Variants in FOXP1 observed in about 807,000 individuals in gnomAD.
The protein encoded by FOXP1 is forkhead box protein P1.
Under a neutral mutation model 98.2 loss-of-function variants are expected in FOXP1, and 15 were observed. That is an observed-to-expected ratio of 0.15 (90% confidence interval 0.10 to 0.24). The LOEUF (loss-of-function observed/expected upper bound fraction) is 0.24, where lower values mean the gene tolerates loss of function less well. FOXP1 is among the 10% of genes least tolerant of loss of function. The pLI is 1.00. For synonymous variants in FOXP1, 371 were observed against 314.5 expected, an observed-to-expected ratio of 1.18 and a Z score of -1.90; for missense variants, 633 against 848.5, an observed-to-expected ratio of 0.75 and a Z score of 3.15.
chr3:71,112,197 T>C (rs1275447413), intron 7 of FOXP1, among the ~76,000 whole-genome samples: 3 of 152,184 alleles, frequency 2.0e-5, no homozygotes, highest in African/African-American at 4.8e-5. Flanking sequence ...TGTGTGTTTA[T>C]GCCATTTCTA....
intron 11 of FOXP1, among the ~76,000 whole-genome samples, chr3:71,033,128 T>C (rs973404481): frequency 2.0e-5 from 3 of 152,034 alleles, no homozygotes; most frequent in Admixed American, 2.0e-4. Context: ...AAGACACAAT[T>C]GGGAGGAGGG....
At chr3:71,198,566 T>C (rs1417252746) in intron 5 of FOXP1, among the ~76,000 whole-genome samples, 174 bp from the exon 6 acceptor site, 2 of 152,258 alleles carry the variant, frequency 1.3e-5, no homozygotes, top group Non-Finnish European at 2.9e-5. Flanking sequence ...GCCATGCCCC[T>C]AGTTTCGGGT....
At chr3:71,339,689 G>A (rs1271384451) in intron 4 of FOXP1, among the ~76,000 whole-genome samples, 1 of 152,164 alleles carries the variant, frequency 6.6e-6, no homozygotes, top group Non-Finnish European at 1.5e-5. Context: ...TGTGAACCAG[G>A]AATGCTGGTA....
chr3:71,257,459 C>A (rs547971386), intron 5 of FOXP1, among the ~76,000 whole-genome samples: 1 of 152,022 alleles, frequency 6.6e-6, no homozygotes, highest in East Asian at 1.9e-4. Context: ...GTGGCAGGCC[C>A]CTGTAATCCC....
intron 6 of FOXP1, among the ~76,000 whole-genome samples, chr3:71,116,982 C>T (rs2058418036): frequency 6.6e-6 from 1 of 152,190 alleles, no homozygotes; most frequent in South Asian, 2.1e-4. Context: ...CTATGTTCAC[C>T]ATGTTTCCTG....
intron 2 of FOXP1, chr3:71,541,960 C>T (rs776425112): frequency 7.9e-5 from 42 of 531,674 alleles, no homozygotes; most frequent in Non-Finnish European, 1.3e-4. Context: ...GGCATCACGC[C>T]GCGCGAGACA....
intron 2 of FOXP1, among the ~76,000 whole-genome samples, chr3:71,538,734 T>A (rs1399204028): frequency 6.6e-6 from 1 of 152,218 alleles, no homozygotes; most frequent in Non-Finnish European, 1.5e-5. Flanking sequence ...TGTGGTTTGG[T>A]TTCACATCTA....
intron 5 of FOXP1, among the ~76,000 whole-genome samples, chr3:71,291,036 T>C (rs2072699392): frequency 6.6e-6 from 1 of 152,160 alleles, no homozygotes; most frequent in East Asian, 1.9e-4. Context: ...CACCACCCTA[T>C]TTACACAGCA....
At chr3:71,279,476 C>G (rs2071282993) in intron 5 of FOXP1, among the ~76,000 whole-genome samples, 1 of 152,046 alleles carries the variant, frequency 6.6e-6, no homozygotes, top group African/African-American at 2.4e-5. Context: ...AGGTACAGAC[C>G]AGGGACGCTG....
At chr3:71,130,661 G>C (rs539130781) in intron 6 of FOXP1, 2 of 1,594,336 alleles carry the variant, frequency 1.3e-6, no homozygotes, top group Non-Finnish European at 1.7e-6. Flanking sequence ...AAGCACACTC[G>C]AAGAGAAAAC....
intron 3 of FOXP1, among the ~76,000 whole-genome samples, chr3:71,482,724 T>A (rs2090373310): frequency 6.6e-6 from 1 of 152,100 alleles, no homozygotes. Context: ...TTTAAAATTT[T>A]TTTTTAAATT....
rs151211749 is a variant in FOXP1 at position 71,041,363 on chromosome 3, A to G, written c.834T>C (p.Asn278=). 83 of 1,613,678 alleles carry G rather than the reference A, an allele frequency of 5.1e-5. No homozygotes were observed. Among genetic ancestry groups the G allele is most frequent in the Non-Finnish European group, 6.7e-5 (79 of 1,179,758 alleles). The change falls in exon 11 of 21, where the codon AAT becomes AAC. Residue 278 remains asparagine, a synonymous_variant. Coordinates refer to ENST00000649528, the MANE Select transcript of FOXP1 (RefSeq NM_001349338.3). ...SLIMNPHAST[N]GQLSVHTPKR... ...TGGGAGTGTGGACTGAGAGCTGTCC[A>G]TTGGTAGAGGCATGTGGGTTCATTA...
chr3:71,025,200 TG>T (rs1200545916), intron 11 of FOXP1, among the ~76,000 whole-genome samples: 1 of 152,186 alleles, frequency 6.6e-6, no homozygotes, highest in African/African-American at 2.4e-5. Flanking sequence ...GAATGTTGAC[TG>T]GGCCCTAAGG....
chr3:71,519,005 G>A (rs552529038), intron 2 of FOXP1, among the ~76,000 whole-genome samples: 2 of 152,352 alleles, frequency 1.3e-5, no homozygotes, highest in Non-Finnish European at 2.9e-5. Context: ...CAGCACTTTG[G>A]GAGGCCGAGA....
At chr3:70,959,711 A>G (rs1293835257) in intron 20 of FOXP1, among the ~76,000 whole-genome samples, 1 of 152,090 alleles carries the variant, frequency 6.6e-6, no homozygotes, top group Non-Finnish European at 1.5e-5. Context: ...GCTCTGAATC[A>G]CTAGTCTCTG....
chr3:70,962,142 G>A (rs965241755), intron 20 of FOXP1, among the ~76,000 whole-genome samples: 1 of 152,114 alleles, frequency 6.6e-6, no homozygotes, highest in Admixed American at 6.5e-5. Flanking sequence ...TGTAAATTCA[G>A]CAGGAATGCT....
chr3:71,261,542 AT>A (rs888815940), intron 5 of FOXP1, among the ~76,000 whole-genome samples: 15 of 151,968 alleles, frequency 9.9e-5, no homozygotes, highest in South Asian at 8.3e-4. Context: ...AATTAACAAG[AT>A]TTTTTTTTCT....
intron 5 of FOXP1, among the ~76,000 whole-genome samples, chr3:71,285,362 G>C (rs1168740752): frequency 6.6e-6 from 1 of 152,112 alleles, no homozygotes; most frequent in Non-Finnish European, 1.5e-5. Context: ...CACAGTAGTT[G>C]TCAACCAGCA....
At chr3:71,003,870 TTATA>T (rs1030655081) in intron 12 of FOXP1, among the ~76,000 whole-genome samples, 2 of 152,234 alleles carry the variant, frequency 1.3e-5, no homozygotes, top group South Asian at 2.1e-4. Context: ...ATCCAATATA[TTATA>T]TATATCATAA....
Sources: gnomAD v4.1 joint callset for allele counts (sites outside exome capture counted in the v4.1 genomes callset) on GRCh38, gnomAD v4.1.1 for gene constraint, MANE v1.5 for transcripts, NCBI Gene and HGNC (gene_info 2026-07-23, HGNC 2026-07-21) for gene names.